LINGO2: variants seen among roughly 807,000 people sequenced by gnomAD.
LINGO2 encodes the protein leucine rich repeat and Ig domain containing 2.
Under a neutral mutation model 30.6 loss-of-function variants are expected in LINGO2, and 14 were observed. That is an observed-to-expected ratio of 0.46 (90% CI 0.30 to 0.72). The LOEUF is 0.72. Ranked by LOEUF, LINGO2 falls within the 30% of genes least tolerant of loss-of-function variation. The pLI is 0.07. For missense variants in LINGO2, 729 were observed against 751.7 expected (o/e 0.97, Z 0.35); for synonymous variants, 317 against 288.5 (o/e 1.10, Z -1.00).
intron 5 of LINGO2, among the ~76,000 whole-genome samples, chr9:27,951,019 A>T (rs1441430605): frequency 6.6e-6 from 1 of 152,226 alleles, no homozygotes; most frequent in African/African-American, 2.4e-5. Context: ...ACTGTGAGAC[A>T]ACACAGTATA....
the LINGO2 span, among the ~76,000 whole-genome samples, chr9:29,117,547 T>A: frequency 2.6e-5 from 4 of 152,114 alleles, no homozygotes; most frequent in African/African-American, 9.7e-5. Context: ...GATTGGACTT[T>A]AATACACCAG....
At chr9:28,099,640 ACT>A (rs1394713327) in intron 4 of LINGO2, among the ~76,000 whole-genome samples, 5 of 152,132 alleles carry the variant, frequency 3.3e-5, no homozygotes, top group African/African-American at 9.7e-5. Context: ...TGTTTGTTCT[ACT>A]CTCTATTGAA....
chr9:28,158,197 G>A (rs1828188699), intron 4 of LINGO2, among the ~76,000 whole-genome samples: 1 of 152,302 alleles, frequency 6.6e-6, no homozygotes, highest in East Asian at 1.9e-4. Context: ...TGGTAGATAG[G>A]AGAAGAGAGC....
At chr9:28,906,828 G>A in the LINGO2 span, among the ~76,000 whole-genome samples, 1 of 151,542 alleles carries the variant, frequency 6.6e-6, no homozygotes, top group Non-Finnish European at 1.5e-5. Flanking sequence ...ATACACAAAA[G>A]GCAAAACAAT....
chr9:28,945,476 A>C, the LINGO2 span, among the ~76,000 whole-genome samples: 1 of 152,166 alleles, frequency 6.6e-6, no homozygotes, highest in South Asian at 2.1e-4. Context: ...ATTCTTACCT[A>C]TCTCTCTTAA....
At chr9:28,433,943 C>CTATATATATATATATATA (rs1220018056) in intron 2 of LINGO2, among the ~76,000 whole-genome samples, 9 of 50,864 alleles carry the variant, frequency 1.8e-4, no homozygotes, top group African/African-American at 4.6e-4. Flanking sequence ...CTCTCTCTCT[C>CTATATATATATATATATA]TCTCTCTATA....
chr9:28,139,538 G>A (rs1275909507), intron 4 of LINGO2, among the ~76,000 whole-genome samples: 1 of 152,160 alleles, frequency 6.6e-6, no homozygotes, highest in Non-Finnish European at 1.5e-5. Context: ...TTTAATTAAA[G>A]AGCATAAAGT....
the LINGO2 span, among the ~76,000 whole-genome samples, chr9:29,076,643 A>G: frequency 6.8e-6 from 1 of 147,766 alleles, no homozygotes; most frequent in Non-Finnish European, 1.5e-5. Flanking sequence ...ATATATATAT[A>G]TAAAATAAAT....
the LINGO2 span, among the ~76,000 whole-genome samples, chr9:28,742,268 C>CT: frequency 0.14 from 2,887 of 20,164 alleles, 120 homozygotes; most frequent in African/African-American, 0.26. Context: ...CCTACTCTGC[C>CT]TTTTTTTTTT....
At chr9:28,080,974 GT>G (rs1825758004) in intron 4 of LINGO2, 1 of 152,210 alleles carries the variant, frequency 6.6e-6, no homozygotes. Flanking sequence ...GCAGGAGAAG[GT>G]AGCCTGGAAT....
At chr9:28,879,884 G>A in the LINGO2 span, among the ~76,000 whole-genome samples, 42 of 152,246 alleles carry the variant, frequency 2.8e-4, no homozygotes, top group Non-Finnish European at 4.6e-4. Context: ...GCTAGACAGG[G>A]AATCAGAAAG....
At chr9:28,436,081 A>G (rs1823909360) in intron 2 of LINGO2, among the ~76,000 whole-genome samples, 1 of 152,212 alleles carries the variant, frequency 6.6e-6, no homozygotes, top group South Asian at 2.1e-4. Context: ...TCTGTTCTTA[A>G]CATAATAAAT....
intron 2 of LINGO2, among the ~76,000 whole-genome samples, chr9:28,399,156 C>T (rs1822165809): frequency 6.6e-6 from 1 of 152,128 alleles, no homozygotes; most frequent in Non-Finnish European, 1.5e-5. Context: ...AAACCCCCAA[C>T]AAGAATTAAA....
chr9:28,714,261 T>C, the LINGO2 span, among the ~76,000 whole-genome samples: 1 of 150,734 alleles, frequency 6.6e-6, no homozygotes, highest in Non-Finnish European at 1.5e-5. Flanking sequence ...CATTAACATC[T>C]TCTACATCTC....
chr9:28,037,703 T>G (rs892987563), intron 4 of LINGO2, among the ~76,000 whole-genome samples: 4 of 152,248 alleles, frequency 2.6e-5, no homozygotes, highest in African/African-American at 9.6e-5. Flanking sequence ...AGGGACTCAA[T>G]GAACTACCAA....
At chr9:28,249,447 G>T (rs550735825) in intron 4 of LINGO2, among the ~76,000 whole-genome samples, 1 of 152,180 alleles carries the variant, frequency 6.6e-6, no homozygotes, top group East Asian at 1.9e-4. Flanking sequence ...TAAGTGATTG[G>T]CAACAAGAAT....
chr9:28,735,386 A>T, the LINGO2 span, among the ~76,000 whole-genome samples: 3 of 152,168 alleles, frequency 2.0e-5, no homozygotes, highest in Admixed American at 1.3e-4. Flanking sequence ...TCATACATCT[A>T]ATAAGCCTCT....
intron 1 of LINGO2, among the ~76,000 whole-genome samples, chr9:28,607,477 C>T (rs1825741872): frequency 6.6e-6 from 1 of 151,972 alleles, no homozygotes. Context: ...AAATAGTAGA[C>T]ATCATTTGCT....
chr9:28,223,055 C>T (rs1821022923), intron 4 of LINGO2, among the ~76,000 whole-genome samples: 1 of 152,098 alleles, frequency 6.6e-6, no homozygotes, highest in African/African-American at 2.4e-5. Context: ...TAAACTGAGG[C>T]CTGAGAGCCT....
Sources: allele counts gnomAD v4.1 joint callset (sites outside exome capture counted in the v4.1 genomes callset), GRCh38; gene constraint gnomAD v4.1.1; transcripts MANE v1.5; gene names NCBI Gene and HGNC (gene_info 2026-07-23, HGNC 2026-07-21).